Variants in ACYP2 observed in about 807,000 individuals in gnomAD.
The protein encoded by ACYP2 is acylphosphatase-2.
A neutral mutation model predicts 11.2 loss-of-function variants in ACYP2; 12 were observed. The observed-to-expected ratio is 1.08, with a 90% CI of 0.69 to 1.74. The LOEUF (loss-of-function observed/expected upper bound fraction) is 1.74, where lower values mean the gene tolerates loss of function less well. Among genes scored for constraint, ACYP2 ranks in the 40% most tolerant of loss-of-function variants. The pLI is 0.00. For synonymous variants in ACYP2, 43 were observed against 32.2 expected (o/e 1.33, Z -1.13); for missense variants, 134 against 101.9 (o/e 1.31, Z -1.35).
chr2:54,240,717 T>TCTGGCAAA (rs1343511871), intron 6 of ACYP2, among the ~76,000 whole-genome samples: 6 of 152,192 alleles, frequency 3.9e-5, no homozygotes, highest in African/African-American at 1.4e-4. Context: ...TGAGTGGCTC[T>TCTGGCAAA]CTGGCAAACG....
At chr2:54,170,742 T>A (rs983986062) in intron 6 of ACYP2, among the ~76,000 whole-genome samples, 6 of 152,118 alleles carry the variant, frequency 3.9e-5, no homozygotes, top group African/African-American at 7.2e-5. Flanking sequence ...AAGATTTGGA[T>A]AGGCAAAAGG....
chr2:54,118,020 A>G (rs1429956830), intron 4 of ACYP2, among the ~76,000 whole-genome samples: 1 of 152,178 alleles, frequency 6.6e-6, no homozygotes, highest in African/African-American at 2.4e-5. Context: ...AGAACATAGA[A>G]TGTTTAGTTT....
intron 6 of ACYP2, among the ~76,000 whole-genome samples, chr2:54,196,053 C>T (rs758789860): frequency 6.6e-6 from 1 of 152,048 alleles, no homozygotes; most frequent in African/African-American, 2.4e-5. Context: ...CCACCTTGGC[C>T]TCCCAAAGTG....
At chr2:54,157,299 G>T (rs1572867027) in intron 6 of ACYP2, among the ~76,000 whole-genome samples, 2 of 152,106 alleles carry the variant, frequency 1.3e-5, no homozygotes, top group Admixed American at 1.3e-4. Context: ...TCTGTCATTT[G>T]TGAAGATGGG....
chr2:54,052,758 T>C (rs184248300), intron 3 of ACYP2, among the ~76,000 whole-genome samples: 247 of 152,256 alleles, frequency 1.6e-3, no homozygotes, highest in Admixed American at 5.8e-3. Context: ...CAATTGAAAA[T>C]GGCTGGAAGG....
chr2:54,015,106 C>T (rs1188335934), intron 2 of ACYP2, among the ~76,000 whole-genome samples: 1 of 152,166 alleles, frequency 6.6e-6, no homozygotes, highest in Non-Finnish European at 1.5e-5. Context: ...GTAGCTCATG[C>T]CTGTAATCCC....
chr2:54,210,949 AT>A (rs561375478), intron 6 of ACYP2, among the ~76,000 whole-genome samples: 28 of 152,220 alleles, frequency 1.8e-4, no homozygotes, highest in Non-Finnish European at 3.7e-4. Context: ...ATAAATTGAT[AT>A]GAGTTGGTAT....
At chr2:54,089,601 A>G (rs1678115681) in intron 4 of ACYP2, among the ~76,000 whole-genome samples, 1 of 151,920 alleles carries the variant, frequency 6.6e-6, no homozygotes, top group Non-Finnish European at 1.5e-5. Context: ...TTAGTTGGGC[A>G]TGGTGGTGCA....
At chr2:54,016,820 G>A (rs1673712022) in intron 2 of ACYP2, among the ~76,000 whole-genome samples, 1 of 151,416 alleles carries the variant, frequency 6.6e-6, no homozygotes. Context: ...CCGCCTCCTG[G>A]GTTCACGCCA....
chr2:54,064,471 T>C (rs982112697), intron 4 of ACYP2, among the ~76,000 whole-genome samples: 11 of 152,108 alleles, frequency 7.2e-5, no homozygotes, highest in African/African-American at 2.7e-4. Context: ...ATATCTTTTA[T>C]AAATTTCTTT....
At chr2:54,222,408 G>A (rs757568586) in intron 6 of ACYP2, among the ~76,000 whole-genome samples, 5 of 152,038 alleles carry the variant, frequency 3.3e-5, no homozygotes, top group Non-Finnish European at 5.9e-5. Flanking sequence ...AAATTAGCCA[G>A]TTGTGGTGGC....
At chr2:54,079,418 G>A (rs1362750044) in intron 4 of ACYP2, among the ~76,000 whole-genome samples, 1 of 152,222 alleles carries the variant, frequency 6.6e-6, no homozygotes, top group Non-Finnish European at 1.5e-5. Flanking sequence ...TTAGTGATGG[G>A]AGCTTCTGTT....
At chr2:53,979,736 CTG>C (rs1671662501) in intron 2 of ACYP2, among the ~76,000 whole-genome samples, 1 of 151,978 alleles carries the variant, frequency 6.6e-6, no homozygotes. Flanking sequence ...GAGTCTCACT[CTG>C]TGGCTCAGGC....
At chr2:54,097,054 A>T (rs1678633324) in intron 4 of ACYP2, among the ~76,000 whole-genome samples, 1 of 152,228 alleles carries the variant, frequency 6.6e-6, no homozygotes, top group South Asian at 2.1e-4. Context: ...TATTTTTAGC[A>T]AAGTAATCCA....
chr2:54,150,464 A>C (rs1274921803), intron 6 of ACYP2, among the ~76,000 whole-genome samples: 1 of 152,198 alleles, frequency 6.6e-6, no homozygotes. Flanking sequence ...CTTGTGGCCC[A>C]GGCTGGAGTG....
At chr2:53,975,585 C>T (rs1392768886) in intron 2 of ACYP2, among the ~76,000 whole-genome samples, 1 of 152,138 alleles carries the variant, frequency 6.6e-6, no homozygotes, top group African/African-American at 2.4e-5. Context: ...GCAATCCCAG[C>T]ACTTTGGAGA....
At chr2:54,103,906 A>C (rs191308851) in intron 4 of ACYP2, among the ~76,000 whole-genome samples, 9 of 152,038 alleles carry the variant, frequency 5.9e-5, no homozygotes, top group African/African-American at 1.2e-4. Flanking sequence ...CTAGCCGGCC[A>C]GGTCATGCAG....
intron 2 of ACYP2, among the ~76,000 whole-genome samples, chr2:53,981,225 G>A (rs193273934): frequency 1.3e-5 from 2 of 152,282 alleles, no homozygotes; most frequent in African/African-American, 4.8e-5. Context: ...AGTGGAGGGT[G>A]TCCAGGTTTT....
At chr2:54,281,744 G>T (rs1688858053) in intron 6 of ACYP2, among the ~76,000 whole-genome samples, 1 of 152,122 alleles carries the variant, frequency 6.6e-6, no homozygotes, top group South Asian at 2.1e-4. Flanking sequence ...TTGATTATGG[G>T]ACCATTTTCT....
Sources: allele counts gnomAD v4.1 joint callset (sites outside exome capture counted in the v4.1 genomes callset), GRCh38; gene constraint gnomAD v4.1.1; transcripts MANE v1.5; gene names NCBI Gene and HGNC (gene_info 2026-07-23, HGNC 2026-07-21).